CPE: variants seen among roughly 807,000 people sequenced by gnomAD.
CPE encodes carbocypeptidase E.
CPE carries 17 observed loss-of-function variants against 53.5 expected under a neutral mutation model. That is an observed-to-expected ratio of 0.32 (90% CI 0.22 to 0.48). The LOEUF (loss-of-function observed/expected upper bound fraction) is 0.48, where lower values mean the gene tolerates loss of function less well. Ranked by LOEUF, CPE falls within the 20% of genes least tolerant of loss-of-function variation. The probability of loss-of-function intolerance (pLI) is 0.99; values close to 1 mark genes in which losing one functional copy is unlikely to be tolerated. For missense variants in CPE, 524 were observed against 614.7 expected, an observed-to-expected ratio of 0.85 and a Z score of 1.56; for synonymous variants, 226 against 228.8, an observed-to-expected ratio of 0.99 and a Z score of 0.11.
chr4:165,426,968 C>T (rs34324337), intron 1 of CPE, among the ~76,000 whole-genome samples: 44,978 of 152,092 alleles, frequency 0.3, 6,749 homozygotes, highest in Middle Eastern at 0.39. Flanking sequence ...TACAGGAAAC[C>T]AGTGAGGGCT....
chr4:165,488,280 T>A (rs2126714885), intron 6 of CPE, among the ~76,000 whole-genome samples: 1 of 152,320 alleles, frequency 6.6e-6, no homozygotes, highest in Middle Eastern at 3.4e-3. Context: ...AGAATCTGAA[T>A]CAAGGCTGTC....
intron 1 of CPE, among the ~76,000 whole-genome samples, chr4:165,407,197 A>G (rs1346370727): frequency 6.6e-6 from 1 of 152,210 alleles, no homozygotes; most frequent in Non-Finnish European, 1.5e-5. Flanking sequence ...CACCATTTAC[A>G]TTCCCATCGG....
At chr4:165,478,711 G>A (rs73860789) in intron 3 of CPE, among the ~76,000 whole-genome samples, 22 of 152,010 alleles carry the variant, frequency 1.4e-4, no homozygotes, top group African/African-American at 4.6e-4. Context: ...GGTGCATACT[G>A]TGCAAGCCAT....
chr4:165,472,695 A>G (rs962655503), intron 3 of CPE, among the ~76,000 whole-genome samples: 6 of 152,298 alleles, frequency 3.9e-5, no homozygotes, highest in South Asian at 2.1e-4. Context: ...ACCTTCCACA[A>G]CTTGCTCAAA....
intron 1 of CPE, among the ~76,000 whole-genome samples, chr4:165,425,347 T>C (rs1731299845): frequency 6.6e-6 from 1 of 152,204 alleles, no homozygotes; most frequent in African/African-American, 2.4e-5. Context: ...TAAAAAAAAT[T>C]ACTATTTCTT....
At chr4:165,383,227 G>A (rs192479996) in intron 1 of CPE, among the ~76,000 whole-genome samples, 1 of 152,268 alleles carries the variant, frequency 6.6e-6, no homozygotes, top group African/African-American at 2.4e-5. Flanking sequence ...GTCCCCATTA[G>A]ATATCATACC....
In CPE at chr4:165,447,017, G is replaced by A. The variant is rs143231528; in HGVS notation, c.308-17373G>A. On this transcript the variant is annotated intron_variant, in intron 1 of 8. Transcript: ENST00000402744. ...CCTATTGCTCCTAGGCTACAAACCC[G>A]TCTGGCATATTACTGTACTGAACAC... 5.2e-3 allele frequency among the ~76,000 whole-genome samples: 792 copies of A among 152,268 alleles called. 7 individuals are homozygous for A. Among genetic ancestry groups the A allele is most frequent in the African/African-American group, 0.018 (734 of 41,542 alleles).
In CPE at chr4:165,379,265, C is replaced by A; in HGVS notation, c.44C>A (p.Ala15Glu). Residue 15 changes from alanine to glutamate, a missense_variant, in exon 1 of 9, where the codon GCA (alanine) becomes GAA (glutamate). Coordinates refer to ENST00000402744, the MANE Select transcript of CPE (RefSeq NM_001873.4). The surrounding 1 kb of genome is among the most constrained non-coding windows in gnomAD (Gnocchi z 6.0). ...GGSALLALCG[A>E]LAACGWLLGA... ...AGCGCGCTGCTGGCTCTGTGCGGGG[C>A]ACTGGCTGCCTGCGGGTGGCTCCTG... The A allele has an allele frequency of 6.9e-7, 1 of 1,449,044 alleles. No individual in the cohort carries two copies. The highest frequency in any genetic ancestry group is 9.0e-7 in the Non-Finnish European group (1 of 1,111,356). 89.8% of individuals were successfully genotyped at this position (1,449,044 alleles called of 1,614,324 possible). A position where few individuals can be genotyped will look rare whatever the true frequency, so the allele number is the denominator to read the frequency against.
At chr4:165,483,603 A>G (rs963511889) in intron 4 of CPE, among the ~76,000 whole-genome samples, 10 of 152,178 alleles carry the variant, frequency 6.6e-5, no homozygotes, top group Admixed American at 1.3e-4. Flanking sequence ...TTACATTTCC[A>G]CCAACACTGG....
rs1730835725 is a variant in CPE at position 165,399,674 on chromosome 4, A to C, written c.307+20146A>C. The stretch of plus-strand genomic sequence containing the variant: ...GGTGTGAGCCACCGTGCCTGGCCAC[A>C]TATCCTCTTTTAAAGGAGTTCCCTA... On this transcript the variant is annotated intron_variant, in intron 1 of 8. Coordinates refer to ENST00000402744, the MANE Select transcript of CPE (RefSeq NM_001873.4). Among the ~76,000 whole-genome samples the C allele has an allele frequency of 2.6e-5, 4 of 152,312 alleles. No homozygotes were observed. In the South Asian group the frequency reaches 8.3e-4, roughly 32 times the overall value.
At chr4:165,386,264 C>T in intron 1 of CPE, 1 of 519,626 alleles carries the variant, frequency 1.9e-6, no homozygotes, top group Non-Finnish European at 3.9e-6. Context: ...AGACAAAATA[C>T]AATCCCGGAC....
intron 5 of CPE, among the ~76,000 whole-genome samples, chr4:165,486,982 C>T (rs897677462): frequency 6.6e-6 from 1 of 152,192 alleles, no homozygotes; most frequent in Admixed American, 6.5e-5. Flanking sequence ...GACTCCCAAT[C>T]CCTCAGGAAT....
Position 165,497,460 on chromosome 4 carries a change from T to TA in CPE, c.1333-45dup, listed in dbSNP as rs1361085083. 5 of 1,070,162 alleles carry TA rather than the reference T, an allele frequency of 4.7e-6. No individual in the cohort carries two copies. In the African/African-American group the frequency reaches 4.9e-5, roughly 10 times the overall value. 66.3% of individuals were successfully genotyped at this position (1,070,162 alleles called of 1,614,324 possible). A position where few individuals can be genotyped will look rare whatever the true frequency, so the allele number is the denominator to read the frequency against. The stretch of plus-strand genomic sequence containing the variant: ...CTGCTCTTATTTTTTTATTTCAATT[T>TA]AAAAAAACACATGCAGTTTGATAAT... On this transcript the variant is annotated intron_variant, in intron 8 of 8. Coordinates refer to ENST00000402744, the MANE Select transcript of CPE (RefSeq NM_001873.4).
At chr4:165,389,520 C>A (rs540856206) in intron 1 of CPE, among the ~76,000 whole-genome samples, 1 of 152,228 alleles carries the variant, frequency 6.6e-6, no homozygotes, top group East Asian at 1.9e-4. Context: ...TTGCTTTCAA[C>A]AGAATGTTAA....
intron 1 of CPE, among the ~76,000 whole-genome samples, chr4:165,455,420 G>A (rs1270472009): frequency 3.3e-5 from 5 of 152,118 alleles, no homozygotes; most frequent in Non-Finnish European, 5.9e-5. Context: ...GATGCTTCAA[G>A]GTCCAAAAAC....
At chr4:165,400,634 T>C (rs1730850124) in intron 1 of CPE, among the ~76,000 whole-genome samples, 1 of 152,156 alleles carries the variant, frequency 6.6e-6, no homozygotes, top group South Asian at 2.1e-4. Context: ...AAGGAGTAAG[T>C]GAAGGGCAGT....
intron 1 of CPE, among the ~76,000 whole-genome samples, chr4:165,443,404 T>C (rs1228858518): frequency 6.6e-6 from 1 of 152,242 alleles, no homozygotes; most frequent in Non-Finnish European, 1.5e-5. Flanking sequence ...ATTGCTTTGC[T>C]AAGGCCACCA....
intron 1 of CPE, among the ~76,000 whole-genome samples, chr4:165,430,995 G>A (rs370268447): frequency 1.2e-4 from 19 of 152,152 alleles, no homozygotes; most frequent in African/African-American, 2.2e-4. Context: ...CAATAAACTC[G>A]TCTCACCTGG....
At chr4:165,470,007 G>A (rs1006696238) in intron 3 of CPE, among the ~76,000 whole-genome samples, 1 of 152,206 alleles carries the variant, frequency 6.6e-6, no homozygotes, top group Non-Finnish European at 1.5e-5. Flanking sequence ...TGAGCCTACA[G>A]GTGGGGGCTG....
Sources: allele counts gnomAD v4.1 joint callset (sites outside exome capture counted in the v4.1 genomes callset), GRCh38; gene constraint gnomAD v4.1.1; non-coding constraint Gnocchi (gnomAD v3.1); transcripts MANE v1.5; gene names NCBI Gene and HGNC (gene_info 2026-07-23, HGNC 2026-07-21).